Variants in UBR3 observed in about 807,000 individuals in gnomAD.
UBR3 encodes the protein ubiquitin protein ligase E3 component n-recognin 3.
In UBR3, 85 loss-of-function variants were observed where a neutral mutation model predicts 243.2. That is an observed-to-expected ratio of 0.35 (90% confidence interval 0.29 to 0.42). The LOEUF (loss-of-function observed/expected upper bound fraction) is 0.42, where lower values mean the gene tolerates loss of function less well. Among genes scored for constraint, UBR3 ranks in the 10% least tolerant of loss-of-function variants. UBR3 has a pLI of 1.00. For synonymous variants in UBR3, 748 were observed against 799.8 expected (o/e 0.94, Z 1.09); for missense variants, 1,686 against 2,300.8 (o/e 0.73, Z 5.47).
Position 170,080,644 on chromosome 2 carries a change from G to A in UBR3, c.5509G>A (p.Val1837Met), listed in dbSNP as rs751177968. The A allele has an allele frequency of 2.5e-6, 4 of 1,613,828 alleles. No homozygotes were observed. The highest frequency in any genetic ancestry group is 2.2e-5 in the East Asian group (1 of 44,890). The part of the protein sequence containing the change: ...RGHRFCLWGS[V>M]YLDAHGEEDR... The stretch of plus-strand genomic sequence containing the variant: ...TCACCGCTTCTGCCTCTGGGGTTCC[G>A]TGTATTTGGATGCTCATGGAGAGGA... Residue 1837 changes from valine to methionine, a missense_variant, in exon 38 of 39, where the codon GTG becomes ATG. Val to Met is a conservative substitution (Grantham distance 21). Transcript: ENST00000272793.
Position 170,049,181 on chromosome 2 carries a change from A to C in UBR3, c.4661-6279A>C, listed in dbSNP as rs376400351. Among the ~76,000 whole-genome samples, 42 of 152,294 alleles carry C rather than the reference A, an allele frequency of 2.8e-4. 1 individual carries two copies. The South Asian group carries it at 8.5e-3, about 31-fold the overall frequency. On this transcript the variant is annotated intron_variant, in intron 32 of 38. Coordinates refer to ENST00000272793, the MANE Select transcript of UBR3 (RefSeq NM_172070.4). ...GCTGACCAGAAGCCTTACCAATAAC[A>C]CTGTCAATTAACACATAATTTATGT...
chr2:170,015,340 G>A lies in UBR3; in HGVS notation c.4427G>A (p.Ser1476Asn). ...GGCAATTTGTGTTCAGGTGGTGCAA[G>A]CACAGCTGGCAAAAGGTCTTGTTTA... is the stretch of plus-strand genomic sequence containing the variant. ...RGGNLCSGGA[S>N]TAGKRSCLNQ... The change falls in exon 30 of 39, where the codon AGC becomes AAC. Residue 1476 changes from serine to asparagine, a missense_variant. Ser to Asn is a conservative substitution (Grantham distance 46). Around this residue, in one of 8 missense-constraint regions of UBR3, gnomAD observed 371 missense variants for 422.5 expected, o/e 0.88. Transcript: ENST00000272793. 1.2e-6 allele frequency: 2 copies of A among 1,611,690 alleles called. No individual in the cohort carries two copies. The highest frequency in any genetic ancestry group is 1.7e-6 in the Non-Finnish European group (2 of 1,178,684).
chr2:169,958,289 A>G (rs1666903159), intron 23 of UBR3, 149 bp from the exon 24 acceptor site: 2 of 515,738 alleles, frequency 3.9e-6, no homozygotes, highest in Non-Finnish European at 6.5e-6. Context: ...AGGACAATCA[A>G]GTATTAGAAG....
At chr2:169,835,993 G>GTCCCCCTCTCTCTCTCTCTCTCTC (rs1194152380) in intron 1 of UBR3, among the ~76,000 whole-genome samples, 3 of 30,738 alleles carry the variant, frequency 9.8e-5, no homozygotes, top group African/African-American at 3.3e-4. Context: ...TGTGTGCACT[G>GTCCCCCTCTCTCTCTCTCTCTCTC]TCTCTCTCTC....
intron 8 of UBR3, among the ~76,000 whole-genome samples, chr2:169,903,057 T>C (rs73011794): frequency 0.043 from 6,570 of 152,314 alleles, 161 homozygotes; most frequent in Middle Eastern, 0.068. Flanking sequence ...TTTATCACTT[T>C]ATTCTCAGAG....
intron 24 of UBR3, among the ~76,000 whole-genome samples, chr2:169,983,594 CA>C (rs1315457777): frequency 6.6e-6 from 1 of 152,010 alleles, no homozygotes; most frequent in African/African-American, 2.4e-5. Context: ...AAGTCAAGGC[CA>C]GCTGATATTC....
chr2:170,011,158 G>A (rs903226433), intron 29 of UBR3, among the ~76,000 whole-genome samples: 1 of 151,920 alleles, frequency 6.6e-6, no homozygotes, highest in African/African-American at 2.4e-5. Flanking sequence ...GGGCAACAGA[G>A]CAAAACCCTG....
chr2:169,853,413 C>A (rs2082731200), intron 1 of UBR3, among the ~76,000 whole-genome samples: 2 of 151,694 alleles, frequency 1.3e-5, no homozygotes, highest in African/African-American at 4.8e-5. Flanking sequence ...CTTCCTTCTT[C>A]TTCTTTTTTC....
At position 169,942,518 on chromosome 2, in the gene UBR3, G is replaced by A. The variant is rs772766054; in HGVS notation, c.2689G>A (p.Gly897Arg). The change falls in exon 20 of 39, where the codon GGA becomes AGA. Residue 897 changes from glycine to arginine, a missense_variant. This residue lies in a region of UBR3 where 346 missense variants were observed against 585.8 expected (regional missense o/e 0.59). Transcript: ENST00000272793. ...AFLKQSGKFPGNPWPPYKKRT... is the reference protein window; with the variant it reads ...AFLKQSGKFPRNPWPPYKKRT... ...TTTAAAACAGAGTGGAAAATTTCCTGGAAATCCCTGGCCTCCATATAAGAA... is the reference window on the plus strand; with the variant it reads ...TTTAAAACAGAGTGGAAAATTTCCTAGAAATCCCTGGCCTCCATATAAGAA... The A allele has an allele frequency of 6.5e-7, 1 of 1,548,448 alleles. No homozygotes were observed.
rs2086421719 is a variant in UBR3, at chr2:169,938,235, G to A, written c.2664-4258G>A. 2.0e-5 allele frequency among the ~76,000 whole-genome samples: 3 copies of A among 149,986 alleles called. No individual in the cohort carries two copies. In the South Asian group the frequency reaches 6.3e-4, roughly 32 times the overall value. ...ACCTCTTCATATATTCTGAATACTA[G>A]ACTTATCAGTTATATGATTTGCAAA... On this transcript the variant is annotated intron_variant, in intron 19 of 38. Transcript: ENST00000272793.
At chr2:169,893,856 G>C (rs988527029) in intron 6 of UBR3, among the ~76,000 whole-genome samples, 2 of 151,990 alleles carry the variant, frequency 1.3e-5, no homozygotes, top group Non-Finnish European at 2.9e-5. Flanking sequence ...CCACTGTGCC[G>C]AGCCTATATT....
chr2:169,848,246 G>A (rs1435758480), intron 1 of UBR3, among the ~76,000 whole-genome samples: 1 of 150,896 alleles, frequency 6.6e-6, no homozygotes, highest in South Asian at 2.1e-4. Flanking sequence ...TTAACCCAAC[G>A]ACCTGGTTAT....
intron 38 of UBR3, 73 bp downstream of exon 38, chr2:170,080,757 C>T: frequency 1.4e-6 from 2 of 1,455,090 alleles, no homozygotes; most frequent in Non-Finnish European, 1.8e-6. Context: ...CTATTCCTGG[C>T]TTTGTAATTA....
chr2:169,907,357 CT>C (rs2085057827), intron 10 of UBR3, among the ~76,000 whole-genome samples: 1 of 152,026 alleles, frequency 6.6e-6, no homozygotes, highest in Non-Finnish European at 1.5e-5. Context: ...ATGATATTTC[CT>C]TTTGTGCCCT....
chr2:169,891,693 G>A (rs934974896), intron 6 of UBR3, among the ~76,000 whole-genome samples: 1 of 151,962 alleles, frequency 6.6e-6, no homozygotes, highest in Non-Finnish European at 1.5e-5. Flanking sequence ...AGGGACTCAT[G>A]TGTTTACTCA....
chr2:170,003,760 C>T (rs2089801779), intron 27 of UBR3, among the ~76,000 whole-genome samples: 1 of 152,174 alleles, frequency 6.6e-6, no homozygotes, highest in African/African-American at 2.4e-5. Context: ...CCTGCCTCAG[C>T]CTCCCGAGTG....
intron 2 of UBR3, among the ~76,000 whole-genome samples, chr2:169,872,651 T>A (rs2083471155): frequency 6.6e-6 from 1 of 152,164 alleles, no homozygotes. Context: ...AGTAACCATT[T>A]TGTGGGGTTA....
At chr2:170,072,316 A>T (rs938603269) in intron 35 of UBR3, among the ~76,000 whole-genome samples, 22 of 152,158 alleles carry the variant, frequency 1.4e-4, no homozygotes, top group Admixed American at 1.0e-3. Flanking sequence ...GTAAACTATC[A>T]CAAGAACAAA....
chr2:169,872,540 T>C (rs1369239037), intron 2 of UBR3, among the ~76,000 whole-genome samples, 165 bp downstream of exon 2: 1 of 152,174 alleles, frequency 6.6e-6, no homozygotes, highest in Non-Finnish European at 1.5e-5. Flanking sequence ...AAAAATTAAT[T>C]ATATAACCTT....
Sources: allele counts gnomAD v4.1 joint callset (sites outside exome capture counted in the v4.1 genomes callset), GRCh38; gene constraint gnomAD v4.1.1; regional missense constraint gnomAD v4.1.1; transcripts MANE v1.5; gene names NCBI Gene and HGNC (gene_info 2026-07-23, HGNC 2026-07-21).